Variants in HERC1 observed in about 807,000 individuals in gnomAD.
The protein encoded by HERC1 is probable E3 ubiquitin-protein ligase HERC1.
Under a neutral mutation model 554.3 loss-of-function variants are expected in HERC1, and 160 were observed. The observed-to-expected ratio is 0.29, with a 90% CI of 0.25 to 0.33. The LOEUF is 0.33. Among genes scored for constraint, HERC1 ranks in the 10% least tolerant of loss-of-function variants. The pLI, the probability that HERC1 is intolerant of heterozygous loss-of-function variation, is 1.00. For synonymous variants in HERC1, 2,175 were observed against 2,131.7 expected (o/e 1.02, Z -0.56); for missense variants, 4,919 against 5,918.5 (o/e 0.83, Z 5.54).
At chr15:63,619,617 G>A (rs1245996806) in intron 74 of HERC1, among the ~76,000 whole-genome samples, 3 of 152,114 alleles carry the variant, frequency 2.0e-5, no homozygotes, top group East Asian at 1.9e-4. Context: ...CTGTGAATCC[G>A]TCTGGTCCTG....
chr15:63,636,392 T>C (rs1293141227), intron 64 of HERC1, among the ~76,000 whole-genome samples: 1 of 151,742 alleles, frequency 6.6e-6, no homozygotes, highest in Non-Finnish European at 1.5e-5. Flanking sequence ...TGCCTCAGCC[T>C]CCTGAGTAGC....
chr15:63,815,517 G>A (rs1337872762), intron 1 of HERC1, among the ~76,000 whole-genome samples: 1 of 152,190 alleles, frequency 6.6e-6, no homozygotes, highest in African/African-American at 2.4e-5. Flanking sequence ...CATAGTGACT[G>A]ATGAAGTCCT....
intron 60 of HERC1, 43 bp from the exon 61 acceptor site, chr15:63,640,488 C>T: frequency 6.7e-7 from 1 of 1,490,186 alleles, no homozygotes. Flanking sequence ...AGAGTTTGTG[C>T]CAAATATTCT....
chr15:63,620,119 T>G (rs1328750222), intron 74 of HERC1, among the ~76,000 whole-genome samples: 1 of 152,214 alleles, frequency 6.6e-6, no homozygotes, highest in Non-Finnish European at 1.5e-5. Context: ...CTGCTTTCTC[T>G]TGTGGGCATT....
intron 1 of HERC1, among the ~76,000 whole-genome samples, chr15:63,782,843 C>T (rs1383491413): frequency 2.0e-5 from 3 of 152,132 alleles, no homozygotes; most frequent in South Asian, 2.1e-4. Context: ...CTAACCCCTA[C>T]GGATGACTTT....
chr15:63,654,884 T>G (rs115660471), intron 50 of HERC1, among the ~76,000 whole-genome samples: 46 of 151,876 alleles, frequency 3.0e-4, no homozygotes, highest in African/African-American at 1.1e-3. Context: ...AAAAAAAAAT[T>G]TATTATACAA....
intron 1 of HERC1, among the ~76,000 whole-genome samples, chr15:63,813,146 T>C (rs1243254656): frequency 3.9e-5 from 6 of 152,216 alleles, no homozygotes; most frequent in African/African-American, 4.8e-5. Flanking sequence ...GCAGAGAGAA[T>C]GATTAACAAA....
At chr15:63,788,323 T>C (rs539188035) in intron 1 of HERC1, among the ~76,000 whole-genome samples, 142 of 152,268 alleles carry the variant, frequency 9.3e-4, no homozygotes, top group African/African-American at 2.1e-3. Flanking sequence ...TTACTGTAAA[T>C]TGGAGAATTG....
intron 12 of HERC1, among the ~76,000 whole-genome samples, chr15:63,737,230 GA>G (rs1383027164): frequency 6.7e-6 from 1 of 149,932 alleles, no homozygotes; most frequent in Non-Finnish European, 1.5e-5. Context: ...AAACAGGAAG[GA>G]AAACACAAGA....
At position 63,804,459 on chromosome 15, in the gene HERC1, G is replaced by A. The variant is rs547234946; in HGVS notation, c.-26-28810C>T. 1.8e-4 allele frequency among the ~76,000 whole-genome samples: 27 copies of A among 152,054 alleles called. No individual in the cohort carries two copies. The East Asian group carries it at 4.1e-3, about 23-fold the overall frequency. ...AAATTAGCCGGGCATGGTGGCGGGC[G>A]CCTGTCATTCCAGCTACTTGGGAGG... On this transcript the variant is annotated intron_variant, in intron 1 of 77. Transcript: ENST00000443617.
chr15:63,658,162 C>A (rs2070153786), intron 48 of HERC1, among the ~76,000 whole-genome samples: 1 of 152,170 alleles, frequency 6.6e-6, no homozygotes, highest in Non-Finnish European at 1.5e-5. Flanking sequence ...ACATTACACT[C>A]CACAGTATCA....
Position 63,729,388 on chromosome 15 carries a change from C to G in HERC1, c.3022-20G>C, listed in dbSNP as rs201695207. On this transcript the variant is annotated intron_variant, in intron 15 of 77. Transcript: ENST00000443617. ...TGAGTTCTAAGAAGAAAAAAAGTTC[C>G]TAAATTACTACTTTGAAAGATTCAA... 6.3e-7 allele frequency: 1 copy of G among 1,590,244 alleles called. No homozygotes were observed. Among genetic ancestry groups the G allele is most frequent in the East Asian group, 2.2e-5 (1 of 44,680 alleles).
intron 33 of HERC1, among the ~76,000 whole-genome samples, chr15:63,689,098 C>G (rs2071954146): frequency 6.6e-6 from 1 of 152,002 alleles, no homozygotes; most frequent in Non-Finnish European, 1.5e-5. Flanking sequence ...GAGTTGCTTT[C>G]AAAGGGAATC....
At chr15:63,725,628 T>G (rs909116564) in intron 17 of HERC1, 115 bp from the exon 18 acceptor site, 1 of 732,016 alleles carries the variant, frequency 1.4e-6, no homozygotes, top group Non-Finnish European at 2.3e-6. Flanking sequence ...TATTTTATGA[T>G]GAAAACACAA....
intron 51 of HERC1, 37 bp downstream of exon 51, chr15:63,654,082 T>C (rs1210783067): frequency 1.3e-6 from 2 of 1,499,146 alleles, no homozygotes; most frequent in Admixed American, 1.7e-5. Context: ...TCATCTTACA[T>C]AACGTGATTA....
intron 23 of HERC1, 107 bp downstream of exon 23, chr15:63,713,246 T>C: frequency 1.1e-6 from 1 of 917,502 alleles, no homozygotes; most frequent in Non-Finnish European, 1.7e-6. Flanking sequence ...TTCTTTCATG[T>C]CTATGTTAAC....
At chr15:63,683,135 C>CAAAAA (rs1336396917) in intron 34 of HERC1, among the ~76,000 whole-genome samples, 5 of 77,470 alleles carry the variant, frequency 6.5e-5, no homozygotes, top group East Asian at 5.1e-4. Flanking sequence ...CACTCTGTCT[C>CAAAAA]AAAAAAAAAA....
In HERC1 at chr15:63,663,162, C is replaced by T. The variant is rs768566942; in HGVS notation, c.8723G>A (p.Arg2908Gln). 7 of 1,613,828 alleles carry T rather than the reference C, an allele frequency of 4.3e-6. No homozygotes were observed. In the African/African-American group the frequency reaches 5.3e-5, roughly 12 times the overall value. The change falls in exon 44 of 78, where the codon CGG becomes CAG. Residue 2908 changes from arginine (R) to glutamine (Q), a missense_variant. Physicochemically the swap from Arg to Gln is conservative, Grantham distance 43. Coordinates refer to ENST00000443617, the MANE Select transcript of HERC1 (RefSeq NM_003922.4). The part of the protein sequence containing the change: ...RSVQAHRNQS[R>Q]REGISLQQDP... ...TTGCTGCAAAGATATTCCTTCTCTC[C>T]GACTTTGATTCCTGTGGGCCTGCAC...
Position 63,756,617 on chromosome 15 carries a change from G to C in HERC1, c.1353C>G (p.Phe451Leu), listed in dbSNP as rs747921467. 2 of 1,613,556 alleles carry C rather than the reference G, an allele frequency of 1.2e-6. No individual in the cohort carries two copies. Among genetic ancestry groups the C allele is most frequent in the Non-Finnish European group, 1.7e-6 (2 of 1,179,716 alleles). The stretch of plus-strand genomic sequence containing the variant: ...CCTTTTTAATGGATCTGTGAGGCTC[G>C]AATGTTAACTTTTTTAAAGTTGACT... ...NNQSTLKKLTFEPHRSIKKVS... is the reference protein window; with the variant it reads ...NNQSTLKKLTLEPHRSIKKVS... Residue 451 changes from phenylalanine to leucine, a missense_variant, in exon 5 of 78, where the codon TTC (phenylalanine) becomes TTG (leucine). By Grantham distance (22) the Phe-to-Leu change is conservative (BLOSUM62 0). This residue lies in a region of HERC1 where 744 missense variants were observed against 1,090.0 expected (regional missense o/e 0.68). Transcript: ENST00000443617. The surrounding 1 kb of genome is among the most constrained non-coding windows in gnomAD (Gnocchi z 5.0).
Sources: gnomAD v4.1 joint callset for allele counts (sites outside exome capture counted in the v4.1 genomes callset) on GRCh38, gnomAD v4.1.1 for gene constraint, gnomAD v4.1.1 regional missense constraint, Gnocchi (gnomAD v3.1) non-coding constraint, MANE v1.5 for transcripts, NCBI Gene and HGNC (gene_info 2026-07-23, HGNC 2026-07-21) for gene names.